The following CTNND2 variants were observed in gnomAD, a reference collection of about 807,000 sequenced individuals.
The protein encoded by CTNND2 is catenin delta-2.
CTNND2 carries 22 observed loss-of-function variants against 144.4 expected under a neutral mutation model. The observed-to-expected ratio is 0.15, with a 90% CI of 0.11 to 0.22. CTNND2 has a LOEUF of 0.22. CTNND2 is among the 10% of genes least tolerant of loss of function. CTNND2 has a pLI of 1.00. For synonymous variants in CTNND2, 751 were observed against 695.6 expected (o/e 1.08, Z -1.25); for missense variants, 1,353 against 1,618.8 (o/e 0.84, Z 2.82).
chr5:11,199,717 AC>A (rs1737237161), intron 10 of CTNND2, 56 bp from the exon 11 acceptor site: 4 of 1,303,074 alleles, frequency 3.1e-6, no homozygotes, highest in Non-Finnish European at 4.4e-6. Flanking sequence ...CCCTACCTAC[AC>A]CAAAACATGT....
chr5:11,245,368 C>A (rs1001266881), intron 9 of CTNND2, among the ~76,000 whole-genome samples: 1 of 152,150 alleles, frequency 6.6e-6, no homozygotes, highest in Non-Finnish European at 1.5e-5. Context: ...GATTCAGTAT[C>A]CTGAGATGGG....
chr5:11,081,822 CTGGAGAAGGGGGA>C (rs1461154269), intron 16 of CTNND2, among the ~76,000 whole-genome samples: 2 of 152,078 alleles, frequency 1.3e-5, no homozygotes, highest in Non-Finnish European at 2.9e-5. Flanking sequence ...TTGCCAGGGG[CTGGAGAAGGGGGA>C]TGGAGAGTGA....
At chr5:11,613,499 G>T (rs1780432788) in intron 2 of CTNND2, among the ~76,000 whole-genome samples, 1 of 152,102 alleles carries the variant, frequency 6.6e-6, no homozygotes, top group Admixed American at 6.6e-5. Context: ...AGAAGCTAAG[G>T]AACTAGCCAA....
intron 12 of CTNND2, among the ~76,000 whole-genome samples, chr5:11,153,091 C>A (rs1027627449): frequency 1.3e-5 from 2 of 152,048 alleles, no homozygotes; most frequent in Non-Finnish European, 2.9e-5. Flanking sequence ...CGGTGAAACC[C>A]CATCTCTACT....
At chr5:11,456,190 A>T (rs1242602059) in intron 3 of CTNND2, among the ~76,000 whole-genome samples, 1 of 152,074 alleles carries the variant, frequency 6.6e-6, no homozygotes, top group East Asian at 1.9e-4. Context: ...ATAGATTGTT[A>T]TGGGTTCTGC....
chr5:11,392,995 C>G (rs1285426474), intron 6 of CTNND2, among the ~76,000 whole-genome samples: 1 of 152,168 alleles, frequency 6.6e-6, no homozygotes, highest in Non-Finnish European at 1.5e-5. Context: ...ACTTCCCCTT[C>G]CCCTCAGCCT....
chr5:11,124,048 C>T (rs2149705003), intron 12 of CTNND2, among the ~76,000 whole-genome samples: 1 of 152,224 alleles, frequency 6.6e-6, no homozygotes, highest in Non-Finnish European at 1.5e-5. Context: ...AAATATGGAG[C>T]ATCTTAATTT....
At chr5:11,886,409 G>A (rs1262937513) in intron 1 of CTNND2, among the ~76,000 whole-genome samples, 2 of 152,066 alleles carry the variant, frequency 1.3e-5, no homozygotes, top group Admixed American at 1.3e-4. Context: ...AGACTACTAT[G>A]AATAACTGTA....
intron 12 of CTNND2, among the ~76,000 whole-genome samples, chr5:11,118,194 G>A (rs541026324): frequency 6.6e-6 from 1 of 152,320 alleles, no homozygotes; most frequent in South Asian, 2.1e-4. Flanking sequence ...GTGTGGCTAC[G>A]AAGCAGAGAG....
intron 12 of CTNND2, among the ~76,000 whole-genome samples, chr5:11,153,840 A>G (rs1465733663): frequency 6.6e-6 from 1 of 152,232 alleles, no homozygotes; most frequent in Non-Finnish European, 1.5e-5. Context: ...GAAGTTAGCC[A>G]GCCAGCCTTA....
At chr5:11,546,509 T>C (rs1046784630) in intron 3 of CTNND2, among the ~76,000 whole-genome samples, 1 of 152,124 alleles carries the variant, frequency 6.6e-6, no homozygotes, top group Non-Finnish European at 1.5e-5. Context: ...TTACTAGAGG[T>C]AATTAGCAAG....
intron 2 of CTNND2, among the ~76,000 whole-genome samples, chr5:11,699,359 G>A (rs1785306549): frequency 6.6e-6 from 1 of 152,122 alleles, no homozygotes; most frequent in South Asian, 2.1e-4. Context: ...TTAGGACCTG[G>A]GAGGATGACT....
In CTNND2 at chr5:11,658,153, T is replaced by C. The variant is rs143195912; in HGVS notation, c.174+73983A>G. Among the ~76,000 whole-genome samples the C allele has an allele frequency of 4.9e-3, 746 of 152,220 alleles. 15 individuals are homozygous for C. Among genetic ancestry groups the C allele is most frequent in the East Asian group, 0.019 (97 of 5,192 alleles). On this transcript the variant is annotated intron_variant, in intron 2 of 21. Transcript: ENST00000304623. ...AATTATAGTAAGCTTCCTCTTCAAG[T>C]TTTATGAAGATTGTGAAACTTACTT...
chr5:11,679,228 A>G (rs1784319123), intron 2 of CTNND2, among the ~76,000 whole-genome samples: 1 of 152,062 alleles, frequency 6.6e-6, no homozygotes, highest in Non-Finnish European at 1.5e-5. Context: ...CAGAATGACT[A>G]GTTACCTAAA....
At chr5:11,624,398 C>G (rs1295548331) in intron 2 of CTNND2, among the ~76,000 whole-genome samples, 1 of 152,064 alleles carries the variant, frequency 6.6e-6, no homozygotes, top group Non-Finnish European at 1.5e-5. Flanking sequence ...GTGAGTATCT[C>G]TATTTATGAA....
At chr5:11,111,669 A>G (rs1753000135) in intron 13 of CTNND2, among the ~76,000 whole-genome samples, 1 of 152,320 alleles carries the variant, frequency 6.6e-6, no homozygotes, top group African/African-American at 2.4e-5. Context: ...AGACACCTGT[A>G]GAACCCTAGG....
At chr5:11,455,169 T>G (rs75628231) in intron 3 of CTNND2, among the ~76,000 whole-genome samples, 1 of 151,556 alleles carries the variant, frequency 6.6e-6, no homozygotes. Flanking sequence ...CAAAGACTGA[T>G]AGTAAAAAAC....
At chr5:11,093,142 T>G (rs962209172) in intron 15 of CTNND2, among the ~76,000 whole-genome samples, 1 of 152,248 alleles carries the variant, frequency 6.6e-6, no homozygotes, top group African/African-American at 2.4e-5. Flanking sequence ...AAATAACAGA[T>G]GCTTTGAAAA....
At chr5:11,347,335 G>A (rs187257438) in intron 8 of CTNND2, among the ~76,000 whole-genome samples, 73 of 152,324 alleles carry the variant, frequency 4.8e-4, no homozygotes, top group African/African-American at 1.7e-3. Context: ...AAAATAAGGA[G>A]CTGACTTAGC....
Sources: gnomAD v4.1 joint callset for allele counts (sites outside exome capture counted in the v4.1 genomes callset) on GRCh38, gnomAD v4.1.1 for gene constraint, MANE v1.5 for transcripts, NCBI Gene and HGNC (gene_info 2026-07-23, HGNC 2026-07-21) for gene names.